ZC2HC1A: variants seen among roughly 807,000 people sequenced by gnomAD.
The protein encoded by ZC2HC1A is zinc finger C2HC-type containing 1A.
Under a neutral mutation model 40.7 loss-of-function variants are expected in ZC2HC1A, and 28 were observed. The ratio of observed to expected loss-of-function variants is 0.69; its 90% CI spans 0.51 to 0.94. The LOEUF (loss-of-function observed/expected upper bound fraction) is 0.94. Ranked by LOEUF, ZC2HC1A falls within the 40% of genes least tolerant of loss-of-function variation. The pLI is 0.00. For missense variants in ZC2HC1A, 389 were observed against 386.3 expected, an observed-to-expected ratio of 1.01 and a Z score of -0.06; for synonymous variants, 129 against 129.2, an observed-to-expected ratio of 1.00 and a Z score of 0.01.
chr8:78,670,265 C>T lies in ZC2HC1A; in HGVS notation c.16+4101C>T, dbSNP rs145131680. 8.1e-3 allele frequency among the ~76,000 whole-genome samples: 1,232 copies of T among 152,150 alleles called. 15 individuals are homozygous for T. The highest frequency in any genetic ancestry group is 0.027 in the African/African-American group (1,119 of 41,490). ...TACAGGTGTGAGCCAACGCACTCGG[C>T]GGAATGGATGTATTTCAATATAGTG... On this transcript the variant is annotated intron_variant, in intron 1 of 8. Coordinates refer to ENST00000263849, the MANE Select transcript of ZC2HC1A (RefSeq NM_016010.3).
intron 5 of ZC2HC1A, among the ~76,000 whole-genome samples, chr8:78,690,700 A>G (rs1383187794): frequency 1.3e-5 from 2 of 152,206 alleles, no homozygotes; most frequent in African/African-American, 4.8e-5. Flanking sequence ...AAGAATTGAC[A>G]TTTTAACAAT....
At chr8:78,684,148 G>A (rs963679752) in intron 3 of ZC2HC1A, among the ~76,000 whole-genome samples, 2 of 151,988 alleles carry the variant, frequency 1.3e-5, no homozygotes, top group African/African-American at 2.4e-5. Context: ...CACATTTTGG[G>A]GTATCTTAAT....
At chr8:78,675,922 C>G (rs1809564527) in intron 2 of ZC2HC1A, 59 bp downstream of exon 2, 1 of 1,439,880 alleles carries the variant, frequency 6.9e-7, no homozygotes, top group Non-Finnish European at 9.7e-7. Context: ...TTCAATAATT[C>G]TGGTCAATTC....
chr8:78,717,590 A>T lies in ZC2HC1A; in HGVS notation c.*97A>T. 7.7e-7 allele frequency: 1 copy of T among 1,290,762 alleles called. No homozygotes were observed. The highest frequency in any genetic ancestry group is 1.1e-6 in the Non-Finnish European group (1 of 949,274). 80.0% of individuals were successfully genotyped at this position (1,290,762 alleles called of 1,614,324 possible). On this transcript the variant is annotated 3_prime_UTR_variant, in exon 9 of 9. Coordinates refer to ENST00000263849, the MANE Select transcript of ZC2HC1A (RefSeq NM_016010.3). ...ATCCTCTAGTTAGTTTGTGCTAAAA[A>T]TACTCGAAATACCATTTCCAGTTAA...
Position 78,698,417 on chromosome 8 carries a change from T to A in ZC2HC1A, c.608T>A (p.Val203Asp). ...AATAATGCTTTTTTATTATAAGGTG[T>A]TCCTTCAGGTAAAGTGTCTTCAAGT... ...PSGAGKTVVG[V>D]PSGKVSSSSS... Residue 203 changes from valine to aspartate, a missense_variant, in exon 7 of 9, where the codon GTT becomes GAT. By Grantham distance (152) the Val-to-Asp change is radical. Coordinates refer to ENST00000263849, the MANE Select transcript of ZC2HC1A (RefSeq NM_016010.3). The A allele has an allele frequency of 6.2e-7, 1 of 1,610,268 alleles. No homozygotes were observed.
chr8:78,666,302 T>C (rs1365386091), intron 1 of ZC2HC1A, 138 bp downstream of exon 1: 19 of 1,423,276 alleles, frequency 1.3e-5, no homozygotes, highest in Non-Finnish European at 1.8e-5. Flanking sequence ...CTCCGGAGGC[T>C]GGGGCCGAAG....
intron 5 of ZC2HC1A, among the ~76,000 whole-genome samples, chr8:78,694,788 A>G (rs1810345669): frequency 6.6e-6 from 1 of 152,210 alleles, no homozygotes; most frequent in Admixed American, 6.5e-5. Flanking sequence ...AATGTATGAG[A>G]TTTGTGAGCA....
Position 78,666,104 on chromosome 8 carries a change from C to T in ZC2HC1A, c.-45C>T, listed in dbSNP as rs367617637. ...TGCTACAGCCAGAGCTGGGCGGTGG[C>T]GGGCGCTGCTGAAGGAGTCTCGCTG... On this transcript the variant is annotated 5_prime_UTR_variant, in exon 1 of 9. Coordinates refer to ENST00000263849, the MANE Select transcript of ZC2HC1A (RefSeq NM_016010.3). 240 of 1,556,748 alleles carry T rather than the reference C, an allele frequency of 1.5e-4. No homozygotes were observed. The highest frequency in any genetic ancestry group is 2.0e-4 in the Non-Finnish European group (232 of 1,150,310).
At chr8:78,705,043 G>T (rs1810727504) in intron 7 of ZC2HC1A, among the ~76,000 whole-genome samples, 1 of 152,144 alleles carries the variant, frequency 6.6e-6, no homozygotes, top group East Asian at 1.9e-4. Context: ...GGATTACAAT[G>T]TATTGCTTTA....
intron 3 of ZC2HC1A, among the ~76,000 whole-genome samples, chr8:78,683,999 G>T (rs905123703): frequency 6.6e-6 from 1 of 152,158 alleles, no homozygotes; most frequent in Non-Finnish European, 1.5e-5. Flanking sequence ...GGACTTTGTT[G>T]TCCATATCAC....
At chr8:78,682,422 G>A (rs1809816715) in intron 3 of ZC2HC1A, among the ~76,000 whole-genome samples, 1 of 152,156 alleles carries the variant, frequency 6.6e-6, no homozygotes, top group South Asian at 2.1e-4. Context: ...CATGGTGGAA[G>A]GTGAAGAAGG....
rs886765577 is a variant in ZC2HC1A at position 78,698,077 on chromosome 8, T to A, written c.605-337T>A. The stretch of plus-strand genomic sequence containing the variant: ...GTCAGCCCAGTACTTCCTTGATTCT[T>A]TGATCCAGCATTTTCCTCTCATTTT... On this transcript the variant is annotated intron_variant, in intron 6 of 8. Transcript: ENST00000263849. Among the ~76,000 whole-genome samples, 5 of 152,222 alleles carry A rather than the reference T, an allele frequency of 3.3e-5. No individual in the cohort carries two copies. The South Asian group carries it at 1.0e-3, about 32-fold the overall frequency.
At position 78,717,391 on chromosome 8, in the gene ZC2HC1A, A is replaced by G. The variant is rs1332794505; in HGVS notation, c.876A>G (p.Ser292=). ...GGNIKGIEGH[S]PGNLPKFCHE... ...ATATTAAAGGCATTGAAGGACATTC[A>G]CCTGGAAACTTACCAAAATTCTGCC... Residue 292 remains serine, a synonymous_variant, in exon 9 of 9, where the codon TCA becomes TCG. Coordinates refer to ENST00000263849, the MANE Select transcript of ZC2HC1A (RefSeq NM_016010.3). 6.2e-7 allele frequency: 1 copy of G among 1,613,600 alleles called. No homozygotes were observed. The highest frequency in any genetic ancestry group is 2.2e-5 in the East Asian group (1 of 44,808).
chr8:78,706,053 A>G (rs748604224), intron 7 of ZC2HC1A, among the ~76,000 whole-genome samples: 3 of 152,138 alleles, frequency 2.0e-5, no homozygotes, highest in Admixed American at 6.5e-5. Flanking sequence ...AAGTCATGCT[A>G]TGCTGGGGAA....
intron 2 of ZC2HC1A, 109 bp downstream of exon 2, chr8:78,675,972 A>C: frequency 1.1e-6 from 1 of 881,114 alleles, no homozygotes; most frequent in Non-Finnish European, 1.8e-6. Flanking sequence ...TTGAAGAGTT[A>C]ATGGGTACTA....
In ZC2HC1A at chr8:78,689,296, G is replaced by C. The variant is rs1485869868; in HGVS notation, c.427G>C (p.Glu143Gln). The change falls in exon 5 of 9, where the codon GAA becomes CAA. Residue 143 changes from glutamate to glutamine, a missense_variant. Coordinates refer to ENST00000263849, the MANE Select transcript of ZC2HC1A (RefSeq NM_016010.3). ...TGATAGACATATAAATTTCTGTAAA[G>C]AACAGGCAGCACGTATTAGTAATAA... is the stretch of plus-strand genomic sequence containing the variant. ...AADRHINFCKEQAARISNKGK... is the reference protein window; with the variant it reads ...AADRHINFCKQQAARISNKGK... The C allele has an allele frequency of 6.2e-7, 1 of 1,603,040 alleles. No individual in the cohort carries two copies. Among genetic ancestry groups the C allele is most frequent in the Admixed American group, 1.7e-5 (1 of 58,658 alleles).
chr8:78,667,612 A>T (rs1809335058), intron 1 of ZC2HC1A, among the ~76,000 whole-genome samples: 1 of 152,172 alleles, frequency 6.6e-6, no homozygotes, highest in African/African-American at 2.4e-5. Context: ...AGGCACCTAA[A>T]ACAATGTCTG....
intron 3 of ZC2HC1A, among the ~76,000 whole-genome samples, chr8:78,680,312 A>T (rs1020187400): frequency 6.9e-6 from 1 of 144,488 alleles, no homozygotes; most frequent in African/African-American, 2.5e-5. Flanking sequence ...AAAAAAAAAA[A>T]AAAGCAAAGT....
At chr8:78,714,981 A>G (rs1811055157) in intron 7 of ZC2HC1A, among the ~76,000 whole-genome samples, 1 of 152,208 alleles carries the variant, frequency 6.6e-6, no homozygotes, top group African/African-American at 2.4e-5. Flanking sequence ...TGTAAAGCAT[A>G]TATACATATT....
Sources: allele counts gnomAD v4.1 joint callset (sites outside exome capture counted in the v4.1 genomes callset), GRCh38; gene constraint gnomAD v4.1.1; transcripts MANE v1.5; gene names NCBI Gene and HGNC (gene_info 2026-07-23, HGNC 2026-07-21).